ERI1: variants seen among roughly 807,000 people sequenced by gnomAD.
ERI1 encodes the protein 3'-5' exoribonuclease 1.
ERI1 carries 39 observed loss-of-function variants against 39.7 expected under a neutral mutation model. The ratio of observed to expected loss-of-function variants is 0.98; its 90% CI spans 0.76 to 1.28. The LOEUF is 1.28. ERI1 is among the 50% of genes most tolerant of loss of function. The probability of loss-of-function intolerance (pLI) is 0.00; values close to 1 mark genes in which losing one functional copy is unlikely to be tolerated. For synonymous variants in ERI1, 204 were observed against 149.6 expected (o/e 1.36, Z -2.65); for missense variants, 581 against 416.9 (o/e 1.39, Z -3.43).
chr8:9,021,645 A>G (rs1377611429), intron 6 of ERI1, among the ~76,000 whole-genome samples: 17 of 151,864 alleles, frequency 1.1e-4, no homozygotes, highest in Admixed American at 1.0e-3. Flanking sequence ...TCTTCCTTTC[A>G]TGGTAATCAT....
At chr8:9,081,999 G>C (rs1256968178) in intron 3 of ERI1, among the ~76,000 whole-genome samples, 1 of 152,164 alleles carries the variant, frequency 6.6e-6, no homozygotes, top group Non-Finnish European at 1.5e-5. Flanking sequence ...TAGTCCATCT[G>C]GACCCTGCAG....
At chr8:9,004,798 G>C (rs569255674) in intron 1 of ERI1, among the ~76,000 whole-genome samples, 122 of 146,962 alleles carry the variant, frequency 8.3e-4, no homozygotes, top group African/African-American at 2.9e-3. Flanking sequence ...AGTGATTCTC[G>C]TGCCTCAGCC....
chr8:9,057,886 G>T (rs75316675), intron 3 of ERI1, among the ~76,000 whole-genome samples: 1 of 152,054 alleles, frequency 6.6e-6, no homozygotes, highest in South Asian at 2.1e-4. Flanking sequence ...CCATGGGGAA[G>T]AACAGTAGGA....
chr8:9,090,174 A>G (rs937485626), intron 3 of ERI1, among the ~76,000 whole-genome samples: 2 of 152,108 alleles, frequency 1.3e-5, no homozygotes, highest in Non-Finnish European at 2.9e-5. Flanking sequence ...GACCCAGGAC[A>G]CTTGCTTGAC....
In ERI1 at chr8:9,003,102, C is replaced by G. The variant is rs1285607407; in HGVS notation, c.39C>G (p.Ala13=). 8.0e-7 allele frequency: 1 copy of G among 1,247,390 alleles called. No homozygotes were observed. The highest frequency in any genetic ancestry group is 1.0e-6 in the Non-Finnish European group (1 of 989,564). The allele number at this position is 1,247,390 out of a possible 1,614,324, so 77.3% of individuals were successfully genotyped here. ...AGAGTAAAGAGCCTGCCGGCGAGGC[C>G]GTGGCTCTCGCGCTGCTGGAGTCGC... ...DPQSKEPAGE[A]VALALLESPR... is the part of the protein sequence containing the mutation. The change falls in exon 1 of 7, where the codon GCC becomes GCG. Residue 13 remains alanine, a synonymous_variant. Transcript: ENST00000250263.
Position 9,017,550 on chromosome 8 carries a change from G to T in ERI1, c.583-747G>T, listed in dbSNP as rs142737161. 5.6e-4 allele frequency among the ~76,000 whole-genome samples: 86 copies of T among 152,276 alleles called. 1 individual carries two copies. Among genetic ancestry groups the T allele is most frequent in the African/African-American group, 2.0e-3 (83 of 41,560 alleles). ...TAAGTCAGTGTTTTATTGCGGTGTT[G>T]TGGACATCTATGAAAAGGGCTTCCA... On this transcript the variant is annotated intron_variant, in intron 4 of 6. Coordinates refer to ENST00000250263, the MANE Select transcript of ERI1 (RefSeq NM_153332.4).
In ERI1 at chr8:9,044,967, G is replaced by C. The variant is rs556132291; in HGVS notation, n.299+24503G>C. The stretch of plus-strand genomic sequence containing the variant: ...AAGAGTAGTAATATTGCCAGGCGTG[G>C]TGGCTCAAGCCTGTAATCCCAGCAC... On this transcript the variant is annotated intron_variant and non_coding_transcript_variant, in intron 3 of 3. Transcript: ENST00000518663. 8.4e-4 allele frequency among the ~76,000 whole-genome samples: 128 copies of C among 152,246 alleles called. 1 individual carries two copies. The highest frequency in any genetic ancestry group is 2.8e-3 in the African/African-American group (118 of 41,546).
chr8:9,014,085 CAG>C, intron 3 of ERI1, among the ~76,000 whole-genome samples: 1 of 152,202 alleles, frequency 6.6e-6, no homozygotes, highest in Non-Finnish European at 1.5e-5. Flanking sequence ...TCATTTAACT[CAG>C]AGTACAACCA....
intron 6 of ERI1, among the ~76,000 whole-genome samples, chr8:9,027,302 A>G (rs1157190131): frequency 6.6e-6 from 1 of 152,096 alleles, no homozygotes; most frequent in African/African-American, 2.4e-5. Context: ...TCATGTTTGG[A>G]GAAATGTCTA....
intron 3 of ERI1, among the ~76,000 whole-genome samples, chr8:9,057,380 A>C (rs902882644): frequency 1.3e-5 from 2 of 152,136 alleles, no homozygotes; most frequent in African/African-American, 4.8e-5. Flanking sequence ...GCCTCACACA[A>C]CTTGTAATTG....
At chr8:9,019,046 A>G (rs563070704) in intron 5 of ERI1, among the ~76,000 whole-genome samples, 1 of 152,346 alleles carries the variant, frequency 6.6e-6, no homozygotes, top group Admixed American at 6.5e-5. Flanking sequence ...GAAATCTAAA[A>G]TTCTTTCAGA....
At chr8:9,066,992 T>C (rs1237048369) in intron 3 of ERI1, among the ~76,000 whole-genome samples, 1 of 152,194 alleles carries the variant, frequency 6.6e-6, no homozygotes, top group African/African-American at 2.4e-5. Context: ...GGGAGAAGAT[T>C]TGACGGCTGC....
chr8:9,030,140 A>G lies in ERI1; in HGVS notation c.*106A>G. On this transcript the variant is annotated 3_prime_UTR_variant, in exon 7 of 7. Transcript: ENST00000250263. ...GTGCAAACTTTAAGCACCTTAAAAC[A>G]TTTAAAATCTTATTACAGGTGATAG... The G allele has an allele frequency of 2.1e-6, 3 of 1,403,192 alleles. No homozygotes were observed. The highest frequency in any genetic ancestry group is 2.9e-6 in the Non-Finnish European group (3 of 1,030,552). The allele number at this position is 1,403,192 out of a possible 1,614,324, so 86.9% of individuals were successfully genotyped here.
At chr8:9,018,249 G>C (rs180956781) in intron 4 of ERI1, 48 bp from the exon 5 acceptor site, 26 of 1,104,248 alleles carry the variant, frequency 2.4e-5, no homozygotes, top group Non-Finnish European at 3.0e-5. Context: ...GTAGGTCTAC[G>C]TGAAGCTGCA....
chr8:9,063,432 A>G (rs1027366208), intron 3 of ERI1, among the ~76,000 whole-genome samples: 55 of 152,318 alleles, frequency 3.6e-4, no homozygotes, highest in South Asian at 4.1e-4. Context: ...ACTGTAAGCC[A>G]GACCGGGTGT....
At chr8:9,014,988 C>A (rs968879421) in intron 3 of ERI1, among the ~76,000 whole-genome samples, 11 of 152,086 alleles carry the variant, frequency 7.2e-5, no homozygotes, top group African/African-American at 2.4e-4. Context: ...TACGTGCATG[C>A]CACCTCGCCC....
At chr8:9,065,480 G>A (rs921340663) in intron 3 of ERI1, among the ~76,000 whole-genome samples, 23 of 152,192 alleles carry the variant, frequency 1.5e-4, no homozygotes, top group Admixed American at 1.3e-3. Context: ...CAGATCACGA[G>A]GTCAGGAGAT....
intron 3 of ERI1, among the ~76,000 whole-genome samples, chr8:9,086,341 G>A (rs1458511144): frequency 6.6e-6 from 1 of 152,168 alleles, no homozygotes; most frequent in Non-Finnish European, 1.5e-5. Context: ...CTTAAGCCCA[G>A]GAGTTTGAGA....
In ERI1 at chr8:9,031,113, TCTC is replaced by T. The variant is rs1797556402; in HGVS notation, c.*1082_*1084del. The T allele has an allele frequency of 6.6e-6, 1 of 152,224 alleles. No homozygotes were observed. Among genetic ancestry groups the T allele is most frequent in the Non-Finnish European group, 1.5e-5 (1 of 68,034 alleles). 9.4% of individuals were successfully genotyped at this position (152,224 alleles called of 1,614,324 possible). On this transcript the variant is annotated 3_prime_UTR_variant, in exon 7 of 7. Coordinates refer to ENST00000250263, the MANE Select transcript of ERI1 (RefSeq NM_153332.4). ...CCATGTATTTTCAGAATTGAATTTT[TCTC>T]CTTGTAGCTTTCAGGGAACAATTTC...
Sources: allele counts gnomAD v4.1 joint callset (sites outside exome capture counted in the v4.1 genomes callset), GRCh38; gene constraint gnomAD v4.1.1; transcripts MANE v1.5; gene names NCBI Gene and HGNC (gene_info 2026-07-23, HGNC 2026-07-21).